The following ARFGEF1 variants were observed in gnomAD, a reference collection of about 807,000 sequenced individuals.
ARFGEF1 encodes ARF guanine nucleotide exchange factor 1.
In ARFGEF1, 42 loss-of-function variants were observed where a neutral mutation model predicts 231.0. The observed-to-expected ratio is 0.18, with a 90% CI of 0.14 to 0.24. The LOEUF (loss-of-function observed/expected upper bound fraction) is 0.24, where lower values mean the gene tolerates loss of function less well. Ranked by LOEUF, ARFGEF1 falls within the 10% of genes least tolerant of loss-of-function variation. The pLI, the probability that ARFGEF1 is intolerant of heterozygous loss-of-function variation, is 1.00. For synonymous variants in ARFGEF1, 710 were observed against 732.3 expected, an observed-to-expected ratio of 0.97 and a Z score of 0.49; for missense variants, 1,345 against 2,192.0, an observed-to-expected ratio of 0.61 and a Z score of 7.72.
At chr8:67,195,794 A>AGAT (rs1837827549), downstream of ARFGEF1, 2 of 542,452 alleles carry the variant, frequency 3.7e-6, no homozygotes, top group East Asian at 3.2e-5. Flanking sequence ...AGAATTGTAT[A>AGAT]GATTATTTTT....
At chr8:67,291,418 A>ATTT (rs1587237313) in intron 6 of ARFGEF1, among the ~76,000 whole-genome samples, 2 of 126,864 alleles carry the variant, frequency 1.6e-5, no homozygotes, top group African/African-American at 6.1e-5. Flanking sequence ...TAATTTCAGT[A>ATTT]CTTTTTTTTT....
chr8:67,232,182 C>T (rs1839574992), intron 23 of ARFGEF1, among the ~76,000 whole-genome samples: 1 of 151,740 alleles, frequency 6.6e-6, no homozygotes, highest in Non-Finnish European at 1.5e-5. Context: ...TGAAAGTTTC[C>T]ATCACAAGTA....
chr8:67,243,459 A>T (rs1035649750), intron 19 of ARFGEF1, among the ~76,000 whole-genome samples: 14 of 152,016 alleles, frequency 9.2e-5, no homozygotes, highest in Non-Finnish European at 1.6e-4. Context: ...CTCTCATGAG[A>T]CTCATTCACT....
intron 7 of ARFGEF1, among the ~76,000 whole-genome samples, chr8:67,280,460 A>G (rs1805488467): frequency 6.6e-6 from 1 of 152,248 alleles, no homozygotes; most frequent in Non-Finnish European, 1.5e-5. Flanking sequence ...CTAAGGTTCT[A>G]GGCTCCTACT....
In ARFGEF1 at chr8:67,199,220, C is replaced by G. The variant is rs558967096; in HGVS notation, c.5386-122G>C. 16 of 1,176,484 alleles carry G rather than the reference C, an allele frequency of 1.4e-5. No individual in the cohort carries two copies. In the South Asian group the frequency reaches 2.4e-4, roughly 18 times the overall value. 72.9% of individuals were successfully genotyped at this position (1,176,484 alleles called of 1,614,324 possible). A position where few individuals can be genotyped will look rare whatever the true frequency, so the allele number is the denominator to read the frequency against. ...CCAGGAAAGCAGGGTCCACAGCAGG[C>G]AGTGACTCTGGTTTGTGGAACTGAG... On this transcript the variant is annotated intron_variant, in intron 38 of 38. Transcript: ENST00000262215.
chr8:67,244,581 T>C (rs1840048158), intron 19 of ARFGEF1, among the ~76,000 whole-genome samples: 1 of 149,306 alleles, frequency 6.7e-6, no homozygotes, highest in East Asian at 2.0e-4. Context: ...ATTACAGGCA[T>C]AAACCACGGT....
intron 1 of ARFGEF1, among the ~76,000 whole-genome samples, chr8:67,303,722 A>T (rs956563959): frequency 4.0e-5 from 6 of 151,888 alleles, no homozygotes; most frequent in Admixed American, 1.3e-4. Context: ...TCTTAAAAAA[A>T]AAAAAAAATA....
rs747385663 is a variant in ARFGEF1, at chr8:67,227,465, T to C, written c.3725A>G (p.His1242Arg). 4 of 1,612,776 alleles carry C rather than the reference T, an allele frequency of 2.5e-6. No individual in the cohort carries two copies. The highest frequency in any genetic ancestry group is 1.7e-6 in the Non-Finnish European group (2 of 1,179,274). Residue 1242 changes from histidine to arginine, a missense_variant, in exon 26 of 39, where the codon CAT becomes CGT. By Grantham distance (29) the His-to-Arg change is conservative. Around this residue, in one of 14 missense-constraint regions of ARFGEF1, gnomAD observed 142 missense variants for 227.3 expected, o/e 0.62. Coordinates refer to ENST00000262215, the MANE Select transcript of ARFGEF1 (RefSeq NM_006421.5). ...FQKDFLRPFEHIMKRNRSPTI... is the reference protein window; with the variant it reads ...FQKDFLRPFERIMKRNRSPTI... ...ATAGTACCTGTTCCGTTTCATTATA[T>C]GTTCAAAAGGTCTTAAGAAATCCTT...
intron 14 of ARFGEF1, among the ~76,000 whole-genome samples, chr8:67,262,467 G>A (rs1487024796): frequency 1.3e-5 from 2 of 152,188 alleles, no homozygotes; most frequent in Non-Finnish European, 2.9e-5. Flanking sequence ...AAGAAAATAA[G>A]AGATTTAGAA....
At chr8:67,343,103 AGG>A in intron 1 of ARFGEF1, 59 bp downstream of exon 1, 2 of 153,686 alleles carry the variant, frequency 1.3e-5, no homozygotes, top group South Asian at 1.2e-4. Flanking sequence ...ACCCCCCCAC[AGG>A]CGCCCCCCTC....
intron 6 of ARFGEF1, among the ~76,000 whole-genome samples, chr8:67,288,488 C>T (rs1283452633): frequency 4.6e-5 from 7 of 152,090 alleles, no homozygotes; most frequent in Non-Finnish European, 1.5e-5. Flanking sequence ...ATTTCAGCAA[C>T]TTGGGAGGCC....
intron 9 of ARFGEF1, among the ~76,000 whole-genome samples, chr8:67,273,265 A>G (rs1025886001): frequency 2.2e-4 from 33 of 151,916 alleles, no homozygotes; most frequent in Non-Finnish European, 3.5e-4. Context: ...TCTGATCACT[A>G]TCTAGTGTTT....
intron 35 of ARFGEF1, among the ~76,000 whole-genome samples, chr8:67,203,528 T>C (rs1456998433): frequency 6.6e-6 from 1 of 151,982 alleles, no homozygotes; most frequent in Admixed American, 6.6e-5. Context: ...TGCTATGGAG[T>C]CCATGCATCA....
At chr8:67,336,636 TC>T (rs1007560591) in intron 1 of ARFGEF1, among the ~76,000 whole-genome samples, 6 of 152,268 alleles carry the variant, frequency 3.9e-5, no homozygotes, top group African/African-American at 1.4e-4. Flanking sequence ...ATGGACTTTT[TC>T]CTTTGTATGT....
chr8:67,214,880 C>T (rs1371635411), intron 33 of ARFGEF1, among the ~76,000 whole-genome samples: 1 of 152,158 alleles, frequency 6.6e-6, no homozygotes, highest in Non-Finnish European at 1.5e-5. Context: ...AACGTGCTAA[C>T]CTTTAAGAAA....
intron 1 of ARFGEF1, among the ~76,000 whole-genome samples, chr8:67,339,754 T>G (rs1182909645): frequency 9.1e-6 from 1 of 109,442 alleles, no homozygotes; most frequent in African/African-American, 3.5e-5. Context: ...TTCCTGGGCC[T>G]GTGGGCTTCT....
chr8:67,241,401 G>C (rs1326306221), intron 19 of ARFGEF1, among the ~76,000 whole-genome samples: 1 of 151,908 alleles, frequency 6.6e-6, no homozygotes, highest in Non-Finnish European at 1.5e-5. Context: ...ATTCTGTGGA[G>C]AAACAGTGTA....
Position 67,198,852 on chromosome 8 carries a change from T to C in ARFGEF1, c.*82A>G. 1 of 1,554,740 alleles carries C rather than the reference T, an allele frequency of 6.4e-7. No individual in the cohort carries two copies. The highest frequency in any genetic ancestry group is 8.6e-7 in the Non-Finnish European group (1 of 1,157,398). On this transcript the variant is annotated 3_prime_UTR_variant, in exon 39 of 39. Coordinates refer to ENST00000262215, the MANE Select transcript of ARFGEF1 (RefSeq NM_006421.5). Reference sequence around the variant, plus strand: ...CAGACACTGCAATCCAGAGAAATCATTTTTCAGGTAGGAAACCTCAGCTCC... The same window carrying C: ...CAGACACTGCAATCCAGAGAAATCACTTTTCAGGTAGGAAACCTCAGCTCC...
At chr8:67,325,197 G>C (rs1223383490) in intron 1 of ARFGEF1, among the ~76,000 whole-genome samples, 3 of 150,128 alleles carry the variant, frequency 2.0e-5, no homozygotes. Context: ...TCAGGCGTGA[G>C]CCACCACACC....
Sources: gnomAD v4.1 joint callset for allele counts (sites outside exome capture counted in the v4.1 genomes callset) on GRCh38, gnomAD v4.1.1 for gene constraint, gnomAD v4.1.1 regional missense constraint, MANE v1.5 for transcripts, NCBI Gene and HGNC (gene_info 2026-07-23, HGNC 2026-07-21) for gene names.